Variants in SLC39A12 observed in about 807,000 individuals in gnomAD.
The protein encoded by SLC39A12 is solute carrier family 39 member 12, also known as zinc transporter ZIP12.
Under a neutral mutation model 71.1 loss-of-function variants are expected in SLC39A12, and 63 were observed. The observed-to-expected ratio is 0.89, with a 90% CI of 0.72 to 1.09. The LOEUF (loss-of-function observed/expected upper bound fraction) is 1.09, where lower values mean the gene tolerates loss of function less well. Among genes scored for constraint, SLC39A12 ranks in the 50% least tolerant of loss-of-function variants. The probability of loss-of-function intolerance (pLI) is 0.00; values close to 1 mark genes in which losing one functional copy is unlikely to be tolerated. For missense variants in SLC39A12, 892 were observed against 812.6 expected (o/e 1.10, Z -1.19); for synonymous variants, 351 against 301.3 (o/e 1.16, Z -1.71).
At chr10:17,988,222 C>T (rs1274225091) in intron 7 of SLC39A12, among the ~76,000 whole-genome samples, 1 of 152,136 alleles carries the variant, frequency 6.6e-6, no homozygotes, top group Non-Finnish European at 1.5e-5. Flanking sequence ...ACAGGAGAAT[C>T]GCTTGAACTC....
chr10:17,998,638 A>G (rs1333681350), intron 10 of SLC39A12, among the ~76,000 whole-genome samples: 1 of 152,212 alleles, frequency 6.6e-6, no homozygotes, highest in Non-Finnish European at 1.5e-5. Flanking sequence ...AGTGAACCAC[A>G]GGAAGGATGT....
At chr10:18,028,673 A>G (rs1836749625) in intron 12 of SLC39A12, among the ~76,000 whole-genome samples, 1 of 152,112 alleles carries the variant, frequency 6.6e-6, no homozygotes, top group South Asian at 2.1e-4. Context: ...CTTCGACTTG[A>G]CTAGGAATGA....
At chr10:18,014,987 G>C (rs1369366902) in intron 12 of SLC39A12, among the ~76,000 whole-genome samples, 2 of 152,178 alleles carry the variant, frequency 1.3e-5, no homozygotes, top group African/African-American at 4.8e-5. Context: ...CAACTAGCAA[G>C]ATGGCTAGAT....
chr10:17,985,780 T>C (rs1352464244), intron 6 of SLC39A12, among the ~76,000 whole-genome samples: 1 of 152,000 alleles, frequency 6.6e-6, no homozygotes, highest in Non-Finnish European at 1.5e-5. Flanking sequence ...TTATTTCTTC[T>C]CCCTTCATAT....
intron 12 of SLC39A12, among the ~76,000 whole-genome samples, chr10:18,012,779 T>C (rs953380741): frequency 6.7e-6 from 1 of 149,850 alleles, no homozygotes; most frequent in Non-Finnish European, 1.5e-5. Context: ...GGCAGGAGAA[T>C]TGCTTGAACC....
chr10:18,012,650 C>CGAGGTCAA (rs2130863285), intron 12 of SLC39A12, among the ~76,000 whole-genome samples: 1 of 152,162 alleles, frequency 6.6e-6, no homozygotes, highest in Non-Finnish European at 1.5e-5. Context: ...AGGCGGATCA[C>CGAGGTCAA]GAGGTCAAGA....
At chr10:18,041,904 T>TACACAC (rs1837266649) in intron 12 of SLC39A12, among the ~76,000 whole-genome samples, 1 of 148,206 alleles carries the variant, frequency 6.7e-6, no homozygotes, top group African/African-American at 2.5e-5. Flanking sequence ...TGTATATGTA[T>TACACAC]ATATGTATAC....
intron 8 of SLC39A12, among the ~76,000 whole-genome samples, chr10:17,991,863 C>T (rs568679832): frequency 6.6e-6 from 1 of 151,820 alleles, no homozygotes; most frequent in Non-Finnish European, 1.5e-5. Context: ...CCGAGGCAGG[C>T]GGATCACCTG....
intron 12 of SLC39A12, among the ~76,000 whole-genome samples, chr10:18,036,735 C>T (rs1263702719): frequency 1.6e-5 from 2 of 128,274 alleles, no homozygotes; most frequent in Admixed American, 8.9e-5. Context: ...TTGCAGTTAG[C>T]ATTTTAAAAA....
intron 5 of SLC39A12, among the ~76,000 whole-genome samples, chr10:17,978,726 A>C (rs906257926): frequency 1.3e-5 from 2 of 152,230 alleles, no homozygotes; most frequent in Non-Finnish European, 2.9e-5. Flanking sequence ...TGTGCAAAAC[A>C]CACACAACAA....
chr10:17,992,088 CAAAAAAAAAAAAAA>C, intron 8 of SLC39A12, among the ~76,000 whole-genome samples: 1 of 87,230 alleles, frequency 1.1e-5, no homozygotes, highest in South Asian at 4.5e-4. Context: ...GACTCCATCT[CAAAAAAAAAAAAAA>C]AAAAAAACAA....
At chr10:18,000,640 T>G in intron 10 of SLC39A12, 27 bp from the exon 11 acceptor site, 1 of 1,612,892 alleles carries the variant, frequency 6.2e-7, no homozygotes, top group South Asian at 1.1e-5. Context: ...CTGTTAATGC[T>G]TCTTCTGTGT....
At chr10:17,968,337 A>G (rs1359555010) in intron 4 of SLC39A12, among the ~76,000 whole-genome samples, 1 of 152,076 alleles carries the variant, frequency 6.6e-6, no homozygotes, top group African/African-American at 2.4e-5. Flanking sequence ...AGCCCGTAGT[A>G]TTTTCTCATT....
At chr10:18,013,914 T>G (rs1013111553) in intron 12 of SLC39A12, among the ~76,000 whole-genome samples, 2 of 152,194 alleles carry the variant, frequency 1.3e-5, no homozygotes, top group African/African-American at 2.4e-5. Context: ...ATCTCCAAAT[T>G]TATTCTTTTT....
chr10:17,990,727 C>T (rs926304448), intron 7 of SLC39A12, among the ~76,000 whole-genome samples: 6 of 152,008 alleles, frequency 3.9e-5, no homozygotes, highest in African/African-American at 1.4e-4. Context: ...TGCTATGGGG[C>T]ATGAGAATAA....
chr10:18,000,510 C>T (rs1249706887), intron 10 of SLC39A12, among the ~76,000 whole-genome samples, 157 bp from the exon 11 acceptor site: 1 of 152,184 alleles, frequency 6.6e-6, no homozygotes, highest in Non-Finnish European at 1.5e-5. Flanking sequence ...ACACTTGAAT[C>T]TCTAGTCCTG....
chr10:18,039,549 A>G (rs1013728513), intron 12 of SLC39A12, among the ~76,000 whole-genome samples: 1 of 152,112 alleles, frequency 6.6e-6, no homozygotes, highest in Non-Finnish European at 1.5e-5. Flanking sequence ...GCAACATAGC[A>G]AGACCTCGTC....
chr10:18,025,139 T>G (rs1836640198), intron 12 of SLC39A12, among the ~76,000 whole-genome samples: 1 of 152,198 alleles, frequency 6.6e-6, no homozygotes, highest in Admixed American at 6.5e-5. Flanking sequence ...ATTCATTACT[T>G]TTGTTCTCTG....
intron 12 of SLC39A12, among the ~76,000 whole-genome samples, chr10:18,003,648 A>G (rs769803185): frequency 6.6e-6 from 1 of 152,190 alleles, no homozygotes; most frequent in South Asian, 2.1e-4. Flanking sequence ...AAAGAATGAA[A>G]TGTTCATAAT....
Sources: gnomAD v4.1 joint callset for allele counts (sites outside exome capture counted in the v4.1 genomes callset) on GRCh38, gnomAD v4.1.1 for gene constraint, MANE v1.5 for transcripts, NCBI Gene and HGNC (gene_info 2026-07-23, HGNC 2026-07-21) for gene names.